ADAMTS16: variants seen among roughly 807,000 people sequenced by gnomAD.
The protein encoded by ADAMTS16 is A disintegrin and metalloproteinase with thrombospondin motifs 16.
In ADAMTS16, 94 loss-of-function variants were observed where a neutral mutation model predicts 145.8. The observed-to-expected ratio is 0.64, with a 90% confidence interval of 0.55 to 0.77. The LOEUF (loss-of-function observed/expected upper bound fraction) is 0.77. Among genes scored for constraint, ADAMTS16 ranks in the 30% least tolerant of loss-of-function variants. The pLI, the probability that ADAMTS16 is intolerant of heterozygous loss-of-function variation, is 0.00. For synonymous variants in ADAMTS16, 659 were observed against 604.3 expected, an observed-to-expected ratio of 1.09 and a Z score of -1.33; for missense variants, 1,585 against 1,591.5, an observed-to-expected ratio of 1.00 and a Z score of 0.07.
chr5:5,166,848 A>C (rs1734898829), intron 3 of ADAMTS16, among the ~76,000 whole-genome samples: 1 of 152,230 alleles, frequency 6.6e-6, no homozygotes. Context: ...CAAAGAACAC[A>C]CATGTCAGTG....
At chr5:5,222,672 G>T in intron 10 of ADAMTS16, 117 bp from the exon 11 acceptor site, 1 of 769,176 alleles carries the variant, frequency 1.3e-6, no homozygotes, top group Non-Finnish European at 2.2e-6. Flanking sequence ...TGCTAAGTAG[G>T]CATTCGCTTG....
intron 7 of ADAMTS16, 75 bp downstream of exon 7, chr5:5,190,205 T>C (rs1735625537): frequency 6.9e-7 from 1 of 1,454,696 alleles, no homozygotes; most frequent in Non-Finnish European, 9.1e-7. Flanking sequence ...GTTGAGTATT[T>C]TTGCCCTTGT....
Position 5,190,128 on chromosome 5 carries a change from T to C in ADAMTS16, c.1205T>C (p.Leu402Ser), listed in dbSNP as rs890975875. 1 of 1,591,232 alleles carries C rather than the reference T, an allele frequency of 6.3e-7. No homozygotes were observed. The highest frequency in any genetic ancestry group is 2.3e-5 in the East Asian group (1 of 44,208). ...CSWKNEPCDT[L>S]GFAPISGMCS... ...TGGAAGAATGAGCCCTGTGACACTTTGGGTGAGAACCTCCAGCAGAGTGTG... is the reference window on the plus strand; with the variant it reads ...TGGAAGAATGAGCCCTGTGACACTTCGGGTGAGAACCTCCAGCAGAGTGTG... The change falls in exon 7 of 23, where the codon TTG becomes TCG. Residue 402 changes from leucine to serine, a missense_variant and splice_region_variant. Physicochemically the swap from Leu to Ser is moderately radical, Grantham distance 145. Around this residue, in one of 3 missense-constraint regions of ADAMTS16, gnomAD observed 298 missense variants for 367.6 expected, o/e 0.81. Transcript: ENST00000274181.
rs1260901366 is a variant in ADAMTS16 at position 5,270,971 on chromosome 5, T to C, written c.2789+8188T>C. Among the ~76,000 whole-genome samples, 3 of 152,210 alleles carry C rather than the reference T, an allele frequency of 2.0e-5. No individual in the cohort carries two copies. In the East Asian group the frequency reaches 5.8e-4, roughly 29 times the overall value. On this transcript the variant is annotated intron_variant, in intron 18 of 22. Coordinates refer to ENST00000274181, the MANE Select transcript of ADAMTS16 (RefSeq NM_139056.4). Reference sequence around the variant, plus strand: ...CTCTCCTTCCCCACAGTTCGTGCTCTGTCTGACACTAAGTGGGGCTCAGTG... The same window carrying C: ...CTCTCCTTCCCCACAGTTCGTGCTCCGTCTGACACTAAGTGGGGCTCAGTG...
At chr5:5,220,728 A>C (rs1425715996) in intron 10 of ADAMTS16, among the ~76,000 whole-genome samples, 1 of 152,080 alleles carries the variant, frequency 6.6e-6, no homozygotes, top group Non-Finnish European at 1.5e-5. Flanking sequence ...CAAGTCCACG[A>C]TTAGACGTTG....
At chr5:5,183,852 T>C (rs1243876824) in intron 4 of ADAMTS16, among the ~76,000 whole-genome samples, 1 of 152,230 alleles carries the variant, frequency 6.6e-6, no homozygotes, top group African/African-American at 2.4e-5. Flanking sequence ...GAAAGGCAGT[T>C]ATTTCAAAAA....
chr5:5,241,488 A>G (rs1737290285), intron 16 of ADAMTS16, among the ~76,000 whole-genome samples: 1 of 152,232 alleles, frequency 6.6e-6, no homozygotes. Context: ...GCTCTAACTT[A>G]ACTTTGGTCA....
intron 3 of ADAMTS16, among the ~76,000 whole-genome samples, chr5:5,150,068 AC>A (rs1327666724): frequency 6.6e-6 from 1 of 152,156 alleles, no homozygotes; most frequent in East Asian, 1.9e-4. Context: ...AATTTCTGGG[AC>A]ATATGGAAAC....
At chr5:5,244,436 A>G (rs1242260533) in intron 17 of ADAMTS16, among the ~76,000 whole-genome samples, 1 of 152,200 alleles carries the variant, frequency 6.6e-6, no homozygotes, top group Non-Finnish European at 1.5e-5. Context: ...TAAGGGTAGA[A>G]AGACCACAGG....
chr5:5,186,551 A>G (rs990565005), intron 5 of ADAMTS16, among the ~76,000 whole-genome samples: 1 of 152,148 alleles, frequency 6.6e-6, no homozygotes, highest in African/African-American at 2.4e-5. Flanking sequence ...GGAAATCTCT[A>G]AGGGGTTGCT....
chr5:5,220,785 A>C (rs1341494308), intron 10 of ADAMTS16, among the ~76,000 whole-genome samples: 1 of 151,964 alleles, frequency 6.6e-6, no homozygotes, highest in Non-Finnish European at 1.5e-5. Flanking sequence ...GCCTGCCCAC[A>C]TCTGCTTGCA....
chr5:5,154,986 G>C (rs1349257222), intron 3 of ADAMTS16, among the ~76,000 whole-genome samples: 1 of 152,024 alleles, frequency 6.6e-6, no homozygotes, highest in African/African-American at 2.4e-5. Flanking sequence ...CTTTTAAAGA[G>C]AGTGCTTGCT....
At chr5:5,244,965 T>C (rs1461339088) in intron 17 of ADAMTS16, among the ~76,000 whole-genome samples, 1 of 152,216 alleles carries the variant, frequency 6.6e-6, no homozygotes, top group Non-Finnish European at 1.5e-5. Flanking sequence ...TTAACTAAGA[T>C]AGTTATTCAC....
chr5:5,180,609 C>A (rs539077283), intron 3 of ADAMTS16, among the ~76,000 whole-genome samples: 5 of 152,268 alleles, frequency 3.3e-5, no homozygotes, highest in African/African-American at 4.8e-5. Context: ...CAAGAAAATT[C>A]TTTAAGTGTA....
At chr5:5,204,285 T>C (rs1736032729) in intron 9 of ADAMTS16, among the ~76,000 whole-genome samples, 2 of 152,226 alleles carry the variant, frequency 1.3e-5, no homozygotes, top group East Asian at 1.9e-4. Context: ...GTTGTAATGA[T>C]ACTTTTGACC....
rs766607430 is a variant in ADAMTS16, at chr5:5,148,332, G to A, written c.501+1877G>A. 2.0e-5 allele frequency among the ~76,000 whole-genome samples: 3 copies of A among 152,290 alleles called. 1 individual carries two copies. In the Middle Eastern group the frequency reaches 0.01, roughly 518 times the overall value. On this transcript the variant is annotated intron_variant, in intron 3 of 22. Transcript: ENST00000274181. ...TTTGAAAGAGCCCTGTTCTTATTTA[G>A]GTATCTTTGCAGAGCCCAGGGGCGA...
At chr5:5,225,713 A>G (rs1317323604) in intron 11 of ADAMTS16, among the ~76,000 whole-genome samples, 1 of 152,188 alleles carries the variant, frequency 6.6e-6, no homozygotes. Flanking sequence ...ACACTCACTG[A>G]ATCCACATTT....
chr5:5,205,792 TCTTA>T (rs944998415), intron 9 of ADAMTS16, among the ~76,000 whole-genome samples: 6 of 152,246 alleles, frequency 3.9e-5, no homozygotes, highest in Non-Finnish European at 8.8e-5. Flanking sequence ...TTGTTGTTAT[TCTTA>T]CTGTTTCTTG....
chr5:5,146,448 A>G lies in ADAMTS16; in HGVS notation c.494A>G (p.Gln165Arg). ...RNSSVALSTC[Q>R]GLSGMIRTEE... ...TCCTCAGTGGCCCTTTCAACCTGCC[A>G]AGGCTTGGTGAGTACAGCGCAAGCC... Residue 165 changes from glutamine to arginine, a missense_variant, in exon 3 of 23, where the codon CAA (glutamine) becomes CGA (arginine). By Grantham distance (43) the Gln-to-Arg change is conservative (BLOSUM62 1). Coordinates refer to ENST00000274181, the MANE Select transcript of ADAMTS16 (RefSeq NM_139056.4). 5 of 1,606,842 alleles carry G rather than the reference A, an allele frequency of 3.1e-6. No homozygotes were observed. Among genetic ancestry groups the G allele is most frequent in the Non-Finnish European group, 4.2e-6 (5 of 1,179,178 alleles).
Sources: allele counts gnomAD v4.1 joint callset (sites outside exome capture counted in the v4.1 genomes callset), GRCh38; gene constraint gnomAD v4.1.1; regional missense constraint gnomAD v4.1.1; transcripts MANE v1.5; gene names NCBI Gene and HGNC (gene_info 2026-07-23, HGNC 2026-07-21).